SLC13A3: variants seen among roughly 807,000 people sequenced by gnomAD.
SLC13A3 encodes the protein solute carrier family 13 member 3, also known as Na(+)/dicarboxylate cotransporter 3.
Under a neutral mutation model 59.0 loss-of-function variants are expected in SLC13A3, and 40 were observed. That is an observed-to-expected ratio of 0.68 (90% CI 0.53 to 0.88). The LOEUF (loss-of-function observed/expected upper bound fraction) is 0.88. SLC13A3 is among the 40% of genes least tolerant of loss of function. The pLI, the probability that SLC13A3 is intolerant of heterozygous loss-of-function variation, is 0.00. For synonymous variants in SLC13A3, 317 were observed against 330.3 expected, an observed-to-expected ratio of 0.96 and a Z score of 0.44; for missense variants, 699 against 783.2, an observed-to-expected ratio of 0.89 and a Z score of 1.28.
intron 1 of SLC13A3, among the ~76,000 whole-genome samples, chr20:46,629,417 T>C (rs1012329765): frequency 3.3e-5 from 5 of 152,238 alleles, no homozygotes; most frequent in African/African-American, 1.2e-4. Flanking sequence ...TGGAAGACAG[T>C]AAGCTCTTTC....
At chr20:46,664,673 C>T (rs921315370) in intron 1 of SLC13A3, among the ~76,000 whole-genome samples, 6 of 152,012 alleles carry the variant, frequency 3.9e-5, no homozygotes, top group Admixed American at 3.3e-4. Context: ...GAAGAAAACA[C>T]AAGGAAGCAG....
At chr20:46,643,078 G>C (rs6017954) in intron 1 of SLC13A3, among the ~76,000 whole-genome samples, 6,044 of 151,998 alleles carry the variant, frequency 0.04, 365 homozygotes, top group African/African-American at 0.13. Context: ...ACTTATTCGA[G>C]ACATACTTAT....
intron 11 of SLC13A3, among the ~76,000 whole-genome samples, chr20:46,565,524 A>G (rs2061971912): frequency 6.6e-6 from 1 of 152,030 alleles, no homozygotes. Context: ...GGGTCTCACC[A>G]TGTTGCCCAG....
intron 9 of SLC13A3, among the ~76,000 whole-genome samples, chr20:46,579,727 A>G (rs1258307839): frequency 6.6e-6 from 1 of 152,200 alleles, no homozygotes; most frequent in South Asian, 2.1e-4. Context: ...GTTGGCCCAC[A>G]TAGTATTTGT....
chr20:46,634,019 G>C (rs1421520489), intron 1 of SLC13A3, among the ~76,000 whole-genome samples: 3 of 152,218 alleles, frequency 2.0e-5, no homozygotes, highest in Non-Finnish European at 4.4e-5. Context: ...CCCTAGTCCT[G>C]ATCTTATGGG....
chr20:46,642,567 C>T (rs1600603712), intron 1 of SLC13A3, among the ~76,000 whole-genome samples: 1 of 152,324 alleles, frequency 6.6e-6, no homozygotes, highest in South Asian at 2.1e-4. Flanking sequence ...TCCTTGCCCT[C>T]TCCCCCTGCT....
At position 46,563,615 on chromosome 20, in the gene SLC13A3, G is replaced by GGAGAGAGA. The variant is rs1555874384; in HGVS notation, c.1495-72_1495-65dup. ...CAACGCAGAGCGACCACAGCAAGAG[G>GGAGAGAGA]GAGAGAGAGAGAGAGAGGCAGTTGG... is the stretch of plus-strand genomic sequence containing the variant. On this transcript the variant is annotated intron_variant, in intron 11 of 12. Coordinates refer to ENST00000279027, the MANE Select transcript of SLC13A3 (RefSeq NM_022829.6). 1.7e-5 allele frequency: 24 copies of GGAGAGAGA among 1,426,594 alleles called. No homozygotes were observed. The South Asian group carries it at 2.9e-4, about 17-fold the overall frequency. The allele number at this position is 1,426,594 out of a possible 1,614,324, so 88.4% of individuals were successfully genotyped here. A position where few individuals can be genotyped will look rare whatever the true frequency, so the allele number is the denominator to read the frequency against.
chr20:46,613,433 A>G (rs1375925914), intron 2 of SLC13A3, 27 bp downstream of exon 2: 1 of 1,540,528 alleles, frequency 6.5e-7, no homozygotes, highest in East Asian at 2.3e-5. Context: ...TCTCCGCTGT[A>G]GGGCTGGAAC....
rs370861465 is a variant in SLC13A3, at chr20:46,613,374, G to A, written c.377+86C>T. 6.5e-6 allele frequency: 8 copies of A among 1,222,534 alleles called. No homozygotes were observed. In the African/African-American group the frequency reaches 1.1e-4, roughly 17 times the overall value. The allele number at this position is 1,222,534 out of a possible 1,614,324, so 75.7% of individuals were successfully genotyped here. ...CCGATGAGTTTCTTGGCCTGGACGA[G>A]TAAATCAAGAAGAGCAGGTATAGGC... On this transcript the variant is annotated intron_variant, in intron 2 of 12. Coordinates refer to ENST00000279027, the MANE Select transcript of SLC13A3 (RefSeq NM_022829.6).
intron 12 of SLC13A3, among the ~76,000 whole-genome samples, chr20:46,561,754 T>A (rs2061933536): frequency 6.6e-6 from 1 of 151,946 alleles, no homozygotes; most frequent in African/African-American, 2.4e-5. Flanking sequence ...CTGTCCTGCC[T>A]CTCTTCTAAG....
intron 1 of SLC13A3, among the ~76,000 whole-genome samples, chr20:46,643,939 G>T (rs1005218834): frequency 6.6e-6 from 1 of 152,162 alleles, no homozygotes; most frequent in African/African-American, 2.4e-5. Context: ...TTGGGAGACT[G>T]ATGTGAGAGG....
At chr20:46,655,438 C>A (rs2062978796), upstream of SLC13A3, among the ~76,000 whole-genome samples, 1 of 148,932 alleles carries the variant, frequency 6.7e-6, no homozygotes, top group South Asian at 2.1e-4. Context: ...GTGCTGGCAT[C>A]TGCTCGGCTT....
At chr20:46,638,066 C>G (rs1269232797) in intron 1 of SLC13A3, among the ~76,000 whole-genome samples, 1 of 152,170 alleles carries the variant, frequency 6.6e-6, no homozygotes, top group East Asian at 1.9e-4. Flanking sequence ...CTATCAACCC[C>G]AAAGAAAGGT....
intron 6 of SLC13A3, among the ~76,000 whole-genome samples, chr20:46,590,197 G>C (rs2062239219): frequency 6.6e-6 from 1 of 152,024 alleles, no homozygotes; most frequent in Admixed American, 6.6e-5. Context: ...ACTCCAAATA[G>C]ATTAGAGGTT....
intron 1 of SLC13A3, among the ~76,000 whole-genome samples, chr20:46,659,426 A>G (rs1385485383): frequency 1.3e-5 from 2 of 152,176 alleles, no homozygotes; most frequent in African/African-American, 4.8e-5. Context: ...AGAGCCTTAC[A>G]ATAATGGTGG....
At chr20:46,632,914 T>TAGATAGA (rs1568947684) in intron 1 of SLC13A3, among the ~76,000 whole-genome samples, 8 of 17,928 alleles carry the variant, frequency 4.5e-4, no homozygotes, top group Middle Eastern at 0.021. Flanking sequence ...GATAGATATA[T>TAGATAGA]CTATCTATCT....
At chr20:46,619,486 A>G (rs1007911599) in intron 1 of SLC13A3, among the ~76,000 whole-genome samples, 1 of 152,224 alleles carries the variant, frequency 6.6e-6, no homozygotes, top group African/African-American at 2.4e-5. Context: ...CCACATAAGC[A>G]GTCAAAGGAA....
At chr20:46,652,082 T>C (rs541149944), upstream of SLC13A3, among the ~76,000 whole-genome samples, 3 of 152,258 alleles carry the variant, frequency 2.0e-5, 1 homozygote, top group South Asian at 6.2e-4. Context: ...CACTGAAGCC[T>C]ATGGGAGGCT....
intron 1 of SLC13A3, among the ~76,000 whole-genome samples, chr20:46,677,198 G>A (rs1182782897): frequency 6.6e-6 from 1 of 152,220 alleles, no homozygotes; most frequent in East Asian, 1.9e-4. Flanking sequence ...ACAAGCACAA[G>A]CCACCACCTG....
Sources: allele counts gnomAD v4.1 joint callset (sites outside exome capture counted in the v4.1 genomes callset), GRCh38; gene constraint gnomAD v4.1.1; transcripts MANE v1.5; gene names NCBI Gene and HGNC (gene_info 2026-07-23, HGNC 2026-07-21).